The following SLC24A2 variants were observed in gnomAD, a reference collection of about 807,000 sequenced individuals.
SLC24A2 encodes the protein sodium/potassium/calcium exchanger 2.
A neutral mutation model predicts 62.0 loss-of-function variants in SLC24A2; 36 were observed. That is an observed-to-expected ratio of 0.58 (90% CI 0.44 to 0.77). The LOEUF (loss-of-function observed/expected upper bound fraction) is 0.77. Ranked by LOEUF, SLC24A2 falls within the 30% of genes least tolerant of loss-of-function variation. The pLI is 0.00. For missense variants in SLC24A2, 846 were observed against 817.9 expected (o/e 1.03, Z -0.42); for synonymous variants, 358 against 294.0 (o/e 1.22, Z -2.23).
chr9:20,219,728 G>A, the SLC24A2 span, among the ~76,000 whole-genome samples: 1 of 152,014 alleles, frequency 6.6e-6, no homozygotes. Flanking sequence ...CATTTGGCAG[G>A]GCATATGAAG....
Position 19,604,387 on chromosome 9 carries a change from A to G in SLC24A2, c.1079-7108T>C, listed in dbSNP as rs150876681. On this transcript the variant is annotated intron_variant, in intron 4 of 10. Coordinates refer to ENST00000341998, the MANE Select transcript of SLC24A2 (RefSeq NM_020344.4). ...AAAACAGCAGCACTGTCTTTAAAAA[A>G]TGGCAATGGAAACTACCAGTGCACA... Among the ~76,000 whole-genome samples the G allele has an allele frequency of 3.4e-3, 515 of 152,322 alleles. 6 individuals carry two copies. The highest frequency in any genetic ancestry group is 0.011 in the African/African-American group (444 of 41,564).
chr9:20,092,532 C>T, the SLC24A2 span, among the ~76,000 whole-genome samples: 1 of 152,158 alleles, frequency 6.6e-6, no homozygotes, highest in Non-Finnish European at 1.5e-5. Context: ...ACCTCCGCTA[C>T]AATATATTTG....
At chr9:19,636,386 T>TCTTTCTTTCTTTCTTCCTTC (rs1554690439) in intron 2 of SLC24A2, among the ~76,000 whole-genome samples, 1 of 23,394 alleles carries the variant, frequency 4.3e-5, no homozygotes, top group Admixed American at 5.5e-4. Flanking sequence ...TTTCTTTCTT[T>TCTTTCTTTCTTTCTTCCTTC]CTCCCTCTCT....
intron 2 of SLC24A2, among the ~76,000 whole-genome samples, chr9:19,732,528 T>C (rs979209106): frequency 2.0e-5 from 3 of 152,238 alleles, no homozygotes; most frequent in Non-Finnish European, 4.4e-5. Context: ...CAGTGTGATG[T>C]TGTGATCTAT....
chr9:19,551,916 T>C (rs1834865546), intron 7 of SLC24A2, among the ~76,000 whole-genome samples: 2 of 152,204 alleles, frequency 1.3e-5, no homozygotes, highest in African/African-American at 4.8e-5. Flanking sequence ...TGCGAAGCCA[T>C]ATTGAAAAGG....
chr9:19,990,310 G>A, the SLC24A2 span, among the ~76,000 whole-genome samples: 8 of 152,062 alleles, frequency 5.3e-5, no homozygotes, highest in East Asian at 7.7e-4. Flanking sequence ...GGTCACCTAC[G>A]GTCAGAAGAT....
the SLC24A2 span, among the ~76,000 whole-genome samples, chr9:19,795,648 T>C: frequency 1.3e-5 from 2 of 152,252 alleles, no homozygotes; most frequent in East Asian, 1.9e-4. Flanking sequence ...TTTTCTGATT[T>C]TGATGTTACC....
intron 2 of SLC24A2, among the ~76,000 whole-genome samples, chr9:19,751,204 T>C (rs970283116): frequency 3.9e-5 from 6 of 152,180 alleles, no homozygotes; most frequent in African/African-American, 1.4e-4. Context: ...CAACACTATG[T>C]GCTGGACATT....
the SLC24A2 span, among the ~76,000 whole-genome samples, chr9:20,257,788 C>A: frequency 6.6e-6 from 1 of 152,108 alleles, no homozygotes; most frequent in East Asian, 1.9e-4. Flanking sequence ...ACATAGCAAA[C>A]CCTCAATAAA....
the SLC24A2 span, among the ~76,000 whole-genome samples, chr9:19,794,068 G>A: frequency 6.6e-6 from 1 of 152,190 alleles, no homozygotes; most frequent in Non-Finnish European, 1.5e-5. Context: ...AATTTCTGTG[G>A]GATTGAGGGA....
the SLC24A2 span, among the ~76,000 whole-genome samples, chr9:19,990,773 A>G: frequency 2.0e-5 from 3 of 150,898 alleles, no homozygotes; most frequent in Admixed American, 6.6e-5. Flanking sequence ...TGCCCAGGAC[A>G]TAAGTCATCG....
the SLC24A2 span, among the ~76,000 whole-genome samples, chr9:20,012,017 G>A: frequency 2.6e-5 from 4 of 152,048 alleles, no homozygotes; most frequent in African/African-American, 9.7e-5. Context: ...TAACAGATTA[G>A]GTATAGAGGG....
the SLC24A2 span, among the ~76,000 whole-genome samples, chr9:20,018,294 TC>T: frequency 3.3e-5 from 5 of 152,228 alleles, no homozygotes; most frequent in Admixed American, 2.0e-4. Context: ...ATATTAACCA[TC>T]ACAGAGTGAT....
intron 2 of SLC24A2, among the ~76,000 whole-genome samples, chr9:19,728,790 T>A (rs948519945): frequency 2.0e-5 from 3 of 152,180 alleles, no homozygotes; most frequent in African/African-American, 7.2e-5. Context: ...GGCTAGAAGG[T>A]TTTATTTACT....
At chr9:19,995,791 A>C in the SLC24A2 span, among the ~76,000 whole-genome samples, 1 of 152,244 alleles carries the variant, frequency 6.6e-6, no homozygotes, top group African/African-American at 2.4e-5. Flanking sequence ...CCCAGCATCT[A>C]GCCCTCAATC....
the SLC24A2 span, among the ~76,000 whole-genome samples, chr9:20,007,479 GT>G: frequency 2.0e-5 from 3 of 152,030 alleles, no homozygotes; most frequent in Non-Finnish European, 2.9e-5. Flanking sequence ...CTCCAAATCA[GT>G]TACCTTTATA....
At chr9:20,158,852 T>C in the SLC24A2 span, among the ~76,000 whole-genome samples, 2 of 151,716 alleles carry the variant, frequency 1.3e-5, no homozygotes, top group South Asian at 2.1e-4. Context: ...AAAAGGATCC[T>C]GAATCTATGT....
chr9:19,747,742 G>T (rs1403883508), intron 2 of SLC24A2, among the ~76,000 whole-genome samples: 1 of 152,166 alleles, frequency 6.6e-6, no homozygotes, highest in East Asian at 1.9e-4. Context: ...ACCATAGACT[G>T]CTTGAACACA....
At chr9:19,729,945 C>T (rs950320311) in intron 2 of SLC24A2, among the ~76,000 whole-genome samples, 11 of 151,980 alleles carry the variant, frequency 7.2e-5, no homozygotes, top group African/African-American at 2.2e-4. Flanking sequence ...GATTACTATA[C>T]ATTATTATAT....
Sources: gnomAD v4.1 joint callset for allele counts (sites outside exome capture counted in the v4.1 genomes callset) on GRCh38, gnomAD v4.1.1 for gene constraint, MANE v1.5 for transcripts, NCBI Gene and HGNC (gene_info 2026-07-23, HGNC 2026-07-21) for gene names.